The following CFAP119 variants were observed in gnomAD, a reference collection of about 807,000 sequenced individuals.
CFAP119 encodes cilia- and flagella-associated protein 119.
the CFAP119 span, chr16:30,761,429 C>G: frequency 2.7e-6 from 4 of 1,469,864 alleles, no homozygotes; most frequent in South Asian, 4.8e-5. Flanking sequence ...CCTGCCTCTC[C>G]TCGCCCAAGC....
the CFAP119 span, chr16:30,761,347 C>T: frequency 6.7e-7 from 1 of 1,493,102 alleles, no homozygotes; most frequent in Non-Finnish European, 9.3e-7. Flanking sequence ...TAAGGAGAGG[C>T]GCGGGCGAGG....
chr16:30,761,119 C>A, the CFAP119 span: 26 of 1,511,512 alleles, frequency 1.7e-5, no homozygotes, highest in Non-Finnish European at 2.4e-5. Flanking sequence ...AATGGGGATG[C>A]CCTGGCCACA....
At chr16:30,761,828 T>C in the CFAP119 span, 3 of 1,350,076 alleles carry the variant, frequency 2.2e-6, no homozygotes, top group Non-Finnish European at 3.0e-6. Flanking sequence ...GGTCGGCGGC[T>C]ACCAAGGCCG....
the CFAP119 span, chr16:30,760,699 G>A: frequency 1.9e-6 from 3 of 1,544,706 alleles, no homozygotes; most frequent in Non-Finnish European, 2.6e-6. Flanking sequence ...GAGTATTGGT[G>A]GCCGTTACCT....
the CFAP119 span, chr16:30,760,406 C>T: frequency 6.2e-7 from 1 of 1,614,200 alleles, no homozygotes; most frequent in Non-Finnish European, 8.5e-7. Flanking sequence ...GATGGCGTCC[C>T]TCAGGCTCTG....
the CFAP119 span, chr16:30,761,156 G>C: frequency 1.9e-6 from 3 of 1,606,526 alleles, no homozygotes; most frequent in African/African-American, 2.7e-5. Context: ...AGACAATAAA[G>C]AACGCAAATA....
At chr16:30,759,692 G>A in the CFAP119 span, 7 of 1,613,644 alleles carry the variant, frequency 4.3e-6, no homozygotes, top group East Asian at 2.2e-5. Context: ...GTGAAGTAGC[G>A]GTAGCACTCC....
chr16:30,758,580 G>C, the CFAP119 span: 1 of 210,304 alleles, frequency 4.8e-6, no homozygotes, highest in East Asian at 1.3e-4. Context: ...TTTTGAGACA[G>C]AGTCTTGCTC....
chr16:30,758,850 G>A, the CFAP119 span: 4 of 1,256,010 alleles, frequency 3.2e-6, no homozygotes, highest in Admixed American at 2.8e-5. Context: ...CGCCTGGCCT[G>A]CAGCTGTGCT....
At chr16:30,761,480 G>C in the CFAP119 span, 1 of 1,527,714 alleles carries the variant, frequency 6.5e-7, no homozygotes, top group Non-Finnish European at 8.8e-7. Flanking sequence ...CATAATGACA[G>C]GTGGCGCCTG....
chr16:30,759,281 T>C, the CFAP119 span: 62 of 1,613,478 alleles, frequency 3.8e-5, no homozygotes, highest in African/African-American at 7.5e-4. Context: ...CTGAAAGGAG[T>C]GCACCTGTGC....
chr16:30,758,712 T>C, the CFAP119 span: 1 of 393,652 alleles, frequency 2.5e-6, no homozygotes, highest in South Asian at 2.4e-5. Flanking sequence ...CGCACCACCA[T>C]GCCTGGCTAT....
the CFAP119 span, chr16:30,759,803 C>A: frequency 6.6e-7 from 1 of 1,525,622 alleles, no homozygotes; most frequent in Non-Finnish European, 8.8e-7. Context: ...CTGTTTATGA[C>A]CATGAGCTTC....
At chr16:30,760,340 A>C in the CFAP119 span, 1 of 1,614,224 alleles carries the variant, frequency 6.2e-7, no homozygotes, top group East Asian at 2.2e-5. Context: ...CGTCTGCTCC[A>C]GTGAGAAGCC....
chr16:30,760,599 T>G, the CFAP119 span: 13 of 1,559,148 alleles, frequency 8.3e-6, no homozygotes, highest in Non-Finnish European at 1.1e-5. Flanking sequence ...CCCCCCTCAG[T>G]CCCTACTCCC....
At chr16:30,761,408 G>C in the CFAP119 span, 21 of 1,389,098 alleles carry the variant, frequency 1.5e-5, no homozygotes, top group South Asian at 2.3e-4. Flanking sequence ...TAACCACCGG[G>C]GTCACACACC....
the CFAP119 span, chr16:30,757,904 T>A: frequency 9.6e-7 from 1 of 1,039,182 alleles, no homozygotes; most frequent in Non-Finnish European, 1.3e-6. Context: ...GCAGGTTATT[T>A]AACCTATCTG....
chr16:30,758,196 C>CT, the CFAP119 span: 1 of 152,206 alleles, frequency 6.6e-6, no homozygotes, highest in South Asian at 2.1e-4. Context: ...CCTCAGCCTC[C>CT]CAGTAGCTGG....
the CFAP119 span, chr16:30,758,007 G>C: frequency 8.1e-6 from 2 of 247,528 alleles, no homozygotes; most frequent in East Asian, 2.4e-4. Flanking sequence ...AAAATGCTTA[G>C]AGCAGGGCAT....
Sources: allele counts gnomAD v4.1 joint callset, GRCh38; gene constraint gnomAD v4.1.1; transcripts MANE v1.5; gene names NCBI Gene and HGNC (gene_info 2026-07-23, HGNC 2026-07-21).